ACP7: variants seen among roughly 807,000 people sequenced by gnomAD.
ACP7 encodes acid phosphatase type 7.
ACP7 carries 58 observed loss-of-function variants against 60.6 expected under a neutral mutation model. The observed-to-expected ratio is 0.96, with a 90% CI of 0.77 to 1.19. The LOEUF (loss-of-function observed/expected upper bound fraction) is 1.19, where lower values mean the gene tolerates loss of function less well. Among genes scored for constraint, ACP7 ranks in the 50% most tolerant of loss-of-function variants. The pLI is 0.00. For missense variants in ACP7, 574 were observed against 596.2 expected (o/e 0.96, Z 0.39); for synonymous variants, 237 against 232.6 (o/e 1.02, Z -0.17).
chr19:39,085,356 C>A lies in ACP7; in HGVS notation c.87C>A (p.Ser29Arg), dbSNP rs138827484. ...TCCAGGGGTCCCTGGGGGCTCCCAG[C>A]GCTGCCCCAGAGCAAGTCCATCTGT... ...LGVQGSLGAP[S>R]AAPEQVHLSY... is the part of the protein sequence containing the mutation. The change falls in exon 2 of 13, where the codon AGC becomes AGA. Residue 29 changes from serine (S) to arginine (R), a missense_variant. By Grantham distance (110) the Ser-to-Arg change is moderately radical (BLOSUM62 -1). Coordinates refer to ENST00000331256, the MANE Select transcript of ACP7 (RefSeq NM_001004318.3). 334 of 1,613,268 alleles carry A rather than the reference C, an allele frequency of 2.1e-4. No individual in the cohort carries two copies. In the African/African-American group the frequency reaches 4.0e-3, roughly 19 times the overall value.
intron 2 of ACP7, among the ~76,000 whole-genome samples, chr19:39,094,882 G>A (rs2073248895): frequency 6.6e-6 from 1 of 152,056 alleles, no homozygotes; most frequent in Non-Finnish European, 1.5e-5. Flanking sequence ...GGAGGTGAAA[G>A]GCACTTCTTA....
intron 11 of ACP7, among the ~76,000 whole-genome samples, chr19:39,102,185 G>C (rs999990561): frequency 6.6e-6 from 1 of 151,054 alleles, no homozygotes; most frequent in Admixed American, 6.6e-5. Flanking sequence ...TAGGTGCAGT[G>C]GCTCATTCCT....
chr19:39,100,965 G>C lies in ACP7; in HGVS notation c.824G>C (p.Arg275Pro). ...TCTCCCTAGAAAGCCAATAAGAACC[G>C]GGCAGCCCGGCCGTGGATCATCACT... ...ESDLQKANKN[R>P]AARPWIITMG... The change falls in exon 8 of 13, where the codon CGG becomes CCG. Residue 275 changes from arginine to proline, a missense_variant. Transcript: ENST00000331256. The C allele has an allele frequency of 6.4e-7, 1 of 1,551,542 alleles. No homozygotes were observed.
chr19:39,105,815 C>G (rs189146845), intron 11 of ACP7, among the ~76,000 whole-genome samples: 171 of 152,282 alleles, frequency 1.1e-3, no homozygotes, highest in Non-Finnish European at 1.6e-3. Context: ...CTCGGCTGCA[C>G]GATGTCTTTT....
intron 11 of ACP7, among the ~76,000 whole-genome samples, chr19:39,103,437 A>ATG (rs1489750114): frequency 0.042 from 4,113 of 97,418 alleles, 269 homozygotes; most frequent in Middle Eastern, 0.06. Context: ...CAGGATCATC[A>ATG]TGTGTTTTTT....
At chr19:39,086,323 T>C (rs2073140495) in intron 2 of ACP7, among the ~76,000 whole-genome samples, 2 of 150,338 alleles carry the variant, frequency 1.3e-5, no homozygotes, top group Non-Finnish European at 3.0e-5. Context: ...AGAGACCCTG[T>C]CTTTAAAAAA....
intron 2 of ACP7, among the ~76,000 whole-genome samples, chr19:39,098,253 C>CAAAAAAAAAAAAAAAAAAAAAAAA (rs59373149): frequency 1.5e-5 from 1 of 64,952 alleles, no homozygotes; most frequent in Non-Finnish European, 2.7e-5. Flanking sequence ...GACCCTGACT[C>CAAAAAAAAAAAAAAAAAAAAAAAA]AAAAAAAAAA....
At chr19:39,093,268 C>G (rs1227024388) in intron 2 of ACP7, among the ~76,000 whole-genome samples, 1 of 141,932 alleles carries the variant, frequency 7.0e-6, no homozygotes, top group South Asian at 2.3e-4. Context: ...TTCTTTTTTT[C>G]GAGACGGGGT....
chr19:39,109,943 A>G, intron 12 of ACP7, 110 bp from the exon 13 acceptor site: 1 of 1,069,936 alleles, frequency 9.3e-7, no homozygotes. Flanking sequence ...CCACTTGCTC[A>G]GGGTTGTACA....
intron 11 of ACP7, 145 bp from the exon 12 acceptor site, chr19:39,106,802 G>C: frequency 1.1e-6 from 1 of 921,278 alleles, no homozygotes; most frequent in Non-Finnish European, 1.6e-6. Flanking sequence ...GGAATTACAG[G>C]CATGAGCCAC....
At chr19:39,106,687 C>G (rs535659356) in intron 11 of ACP7, among the ~76,000 whole-genome samples, 1 of 152,136 alleles carries the variant, frequency 6.6e-6, no homozygotes, top group Non-Finnish European at 1.5e-5. Context: ...CCACACCAGG[C>G]TAATTTTTGT....
intron 2 of ACP7, among the ~76,000 whole-genome samples, chr19:39,097,486 C>T (rs1469806191): frequency 2.6e-5 from 4 of 151,710 alleles, no homozygotes; most frequent in Non-Finnish European, 5.9e-5. Context: ...ATCGCTTGAG[C>T]CCAGGAGGCC....
chr19:39,092,137 C>T (rs1203344921), intron 2 of ACP7, among the ~76,000 whole-genome samples: 1 of 152,062 alleles, frequency 6.6e-6, no homozygotes, highest in Non-Finnish European at 1.5e-5. Context: ...CTTTGGGAGG[C>T]AGAGGCAGGT....
intron 2 of ACP7, among the ~76,000 whole-genome samples, chr19:39,091,752 C>T (rs1023466426): frequency 4.7e-5 from 7 of 150,314 alleles, no homozygotes; most frequent in Non-Finnish European, 8.9e-5. Context: ...TCTACCAAAA[C>T]TACAAAAAAT....
chr19:39,093,660 G>T (rs940058462), intron 2 of ACP7, among the ~76,000 whole-genome samples: 73 of 152,286 alleles, frequency 4.8e-4, no homozygotes, highest in African/African-American at 1.6e-3. Context: ...AAAGTGCTGG[G>T]ATTACAGGCT....
rs927690538 is a variant in ACP7, at chr19:39,110,531, C to T, written c.*413C>T. Reference sequence around the variant, plus strand: ...CCTGGCAAGGGCATCGCCAGGTGGGCACAACCGTCATGACACTACTCACCA... The same window carrying T: ...CCTGGCAAGGGCATCGCCAGGTGGGTACAACCGTCATGACACTACTCACCA... On this transcript the variant is annotated 3_prime_UTR_variant, in exon 13 of 13. Transcript: ENST00000331256. 2.4e-5 allele frequency: 4 copies of T among 167,496 alleles called. No individual in the cohort carries two copies. The highest frequency in any genetic ancestry group is 1.7e-4 in the East Asian group (1 of 5,768). 10.4% of individuals were successfully genotyped at this position (167,496 alleles called of 1,614,324 possible). A position where few individuals can be genotyped will look rare whatever the true frequency, so the allele number is the denominator to read the frequency against.
Position 39,085,278 on chromosome 19 carries a change from C to T in ACP7, c.9C>T (p.Pro3=), listed in dbSNP as rs752103117. Residue 3 remains proline, a synonymous_variant, in exon 2 of 13, where the codon CCC becomes CCT. Coordinates refer to ENST00000331256, the MANE Select transcript of ACP7 (RefSeq NM_001004318.3). ...ATCACCACCCCACCACCATGCACCCCCTTCCTGGCTACTGGTCCTGTTACT... is the reference window on the plus strand; with the variant it reads ...ATCACCACCCCACCACCATGCACCCTCTTCCTGGCTACTGGTCCTGTTACT... MH[P]LPGYWSCYCL... 2 of 1,613,028 alleles carry T rather than the reference C, an allele frequency of 1.2e-6. No individual in the cohort carries two copies. The highest frequency in any genetic ancestry group is 1.3e-5 in the African/African-American group (1 of 75,018).
At chr19:39,094,909 G>GA (rs1277886778) in intron 2 of ACP7, among the ~76,000 whole-genome samples, 1 of 152,144 alleles carries the variant, frequency 6.6e-6, no homozygotes, top group Non-Finnish European at 1.5e-5. Context: ...GGTGGCAAGA[G>GA]AAAATGAGGA....
chr19:39,097,569 A>G lies in ACP7; in HGVS notation c.122-889A>G, dbSNP rs774990232. 6.4e-4 allele frequency among the ~76,000 whole-genome samples: 58 copies of G among 90,312 alleles called. 1 individual carries two copies. The highest frequency in any genetic ancestry group is 4.0e-3 in the Admixed American group (40 of 9,938). 59.2% of individuals were successfully genotyped at this position (90,312 alleles called of 152,430 possible). ...AATAGAGTGAGACCCTATCTCTAAGAAAAAAAAAAAAAAAGTCAATAGCTT... is the reference window on the plus strand; with the variant it reads ...AATAGAGTGAGACCCTATCTCTAAGGAAAAAAAAAAAAAAGTCAATAGCTT... On this transcript the variant is annotated intron_variant, in intron 2 of 12. Transcript: ENST00000331256.
Sources: allele counts gnomAD v4.1 joint callset (sites outside exome capture counted in the v4.1 genomes callset), GRCh38; gene constraint gnomAD v4.1.1; transcripts MANE v1.5; gene names NCBI Gene and HGNC (gene_info 2026-07-23, HGNC 2026-07-21).